PLXNB1: variants seen among roughly 807,000 people sequenced by gnomAD.
The protein encoded by PLXNB1 is plexin B1.
A neutral mutation model predicts 209.4 loss-of-function variants in PLXNB1; 106 were observed. The observed-to-expected ratio is 0.51, with a 90% CI of 0.43 to 0.59. The LOEUF (loss-of-function observed/expected upper bound fraction) is 0.59. Ranked by LOEUF, PLXNB1 falls within the 20% of genes least tolerant of loss-of-function variation. The pLI, the probability that PLXNB1 is intolerant of heterozygous loss-of-function variation, is 0.00. For synonymous variants in PLXNB1, 1,167 were observed against 1,183.2 expected, an observed-to-expected ratio of 0.99 and a Z score of 0.28; for missense variants, 2,357 against 2,853.2, an observed-to-expected ratio of 0.83 and a Z score of 3.96.
rs1254654435 is a variant in PLXNB1, at chr3:48,418,261, C to G, written c.3152G>C (p.Cys1051Ser). The G allele has an allele frequency of 6.2e-7, 1 of 1,613,580 alleles. No individual in the cohort carries two copies. Among genetic ancestry groups the G allele is most frequent in the South Asian group, 1.1e-5 (1 of 91,080 alleles). ...CVWCEGERPR[C>S]VTREACGEAE... is the part of the protein sequence containing the mutation. The stretch of plus-strand genomic sequence containing the variant: ...CTCACCACAGGCCTCCCGGGTCACA[C>G]AACGTGGACGCTCCCCCTCACACCA... Residue 1051 changes from cysteine (C) to serine (S), a missense_variant, in exon 15 of 38, where the codon TGT becomes TCT. By Grantham distance (112) the Cys-to-Ser change is moderately radical (BLOSUM62 -1). Transcript: ENST00000296440. The surrounding 1 kb of genome is among the most constrained non-coding windows in gnomAD (Gnocchi z 6.6).
rs556431152 is a variant in PLXNB1, at chr3:48,417,133, C to A, written c.3375-682G>T. Among the ~76,000 whole-genome samples the A allele has an allele frequency of 6.6e-6, 1 of 152,142 alleles. No individual in the cohort carries two copies. The highest frequency in any genetic ancestry group is 2.4e-5 in the African/African-American group (1 of 41,398). On this transcript the variant is annotated intron_variant, in intron 16 of 37. Coordinates refer to ENST00000296440, the MANE Select transcript of PLXNB1 (RefSeq NM_001130082.3). This position sits in a 1 kb window ranked among gnomAD's most constrained non-coding sequence, Gnocchi z 4.4. ...CACAGCAGTCTTATGGTCTGGAACA[C>A]TAACAGTCTAGATAGTCACCGTAAG... is the stretch of plus-strand genomic sequence containing the variant.
In PLXNB1 at chr3:48,417,397, AC is replaced by A. The variant is rs1430314704; in HGVS notation, c.3374+513del. 6.6e-6 allele frequency among the ~76,000 whole-genome samples: 1 copy of A among 152,196 alleles called. No individual in the cohort carries two copies. On this transcript the variant is annotated intron_variant, in intron 16 of 37. Transcript: ENST00000296440. This position sits in a 1 kb window ranked among gnomAD's most constrained non-coding sequence, Gnocchi z 4.4. ...GGGGCCTGCAACCGCTGGCCAGGTT[AC>A]CATAACCCAGGAGCCCCAGGAAGGC...
Position 48,410,825 on chromosome 3 carries a change from C to A in PLXNB1, c.5416+43G>T. 1 of 1,571,846 alleles carries A rather than the reference C, an allele frequency of 6.4e-7. No individual in the cohort carries two copies. ...AGAGTTGGTCCGGGGCCAGCCCAGG[C>A]CCAACAGTGGCTCAGGTCCCCAGGG... On this transcript the variant is annotated intron_variant, in intron 29 of 37. Coordinates refer to ENST00000296440, the MANE Select transcript of PLXNB1 (RefSeq NM_001130082.3). This position sits in a 1 kb window ranked among gnomAD's most constrained non-coding sequence, Gnocchi z 6.4.
Position 48,415,756 on chromosome 3 carries a change from C to A in PLXNB1, c.3621G>T (p.Leu1207=). The change falls in exon 19 of 38, where the codon CTG becomes CTT. Residue 1207 remains leucine, a synonymous_variant. Coordinates refer to ENST00000296440, the MANE Select transcript of PLXNB1 (RefSeq NM_001130082.3). The surrounding 1 kb of genome is among the most constrained non-coding windows in gnomAD (Gnocchi z 5.0). ...GCAGTTGTTCTGACTGCTGCTCCGG[C>A]AGCCTGGGAGGGGAGGTGGGAATGA... ...VVVGDQPCHL[L]PEQQSEQLRC... is the part of the protein sequence containing the mutation. The A allele has an allele frequency of 6.5e-7, 1 of 1,541,634 alleles. No individual in the cohort carries two copies. Among genetic ancestry groups the A allele is most frequent in the South Asian group, 1.2e-5 (1 of 83,712 alleles).
Position 48,409,388 on chromosome 3 carries a change from G to A in PLXNB1, c.6028C>T (p.Leu2010Phe). 17 of 1,614,218 alleles carry A rather than the reference G, an allele frequency of 1.1e-5. No individual in the cohort carries two copies. The highest frequency in any genetic ancestry group is 1.4e-5 in the Non-Finnish European group (17 of 1,180,046). Residue 2010 changes from leucine (L) to phenylalanine (F), a missense_variant, in exon 34 of 38, where the codon CTT (leucine) becomes TTT (phenylalanine). Coordinates refer to ENST00000296440, the MANE Select transcript of PLXNB1 (RefSeq NM_001130082.3). This position sits in a 1 kb window ranked among gnomAD's most constrained non-coding sequence, Gnocchi z 5.8. ...QTSDNMDAVL[L>F]VIAQTFMDAC... Reference sequence around the variant, plus strand: ...TCCATGAAGGTCTGTGCAATGACAAGGAGCACCGCATCCATGTTATCAGAT... The same window carrying A: ...TCCATGAAGGTCTGTGCAATGACAAAGAGCACCGCATCCATGTTATCAGAT...
At position 48,413,185 on chromosome 3, in the gene PLXNB1, G is replaced by C. The variant is rs1199899920; in HGVS notation, c.4536-16C>G. The C allele has an allele frequency of 1.3e-6, 2 of 1,595,444 alleles. No homozygotes were observed. Among genetic ancestry groups the C allele is most frequent in the Non-Finnish European group, 1.7e-6 (2 of 1,168,254 alleles). ...GCTCTTCCTCCTGCTCAGCCCCAGG[G>C]TCAGGAGAGGATGGCCAGATGAGTC... On this transcript the variant is annotated splice_polypyrimidine_tract_variant and intron_variant, in intron 23 of 37. Transcript: ENST00000296440. This position sits in a 1 kb window ranked among gnomAD's most constrained non-coding sequence, Gnocchi z 5.4.
At position 48,419,596 on chromosome 3, in the gene PLXNB1, G is replaced by T; in HGVS notation, c.2690C>A (p.Thr897Asn). The change falls in exon 11 of 38, where the codon ACC becomes AAC. Residue 897 changes from threonine (T) to asparagine (N), a missense_variant. Around this residue, in one of 7 missense-constraint regions of PLXNB1, gnomAD observed 410 missense variants for 401.0 expected, o/e 1.02. Transcript: ENST00000296440. The surrounding 1 kb of genome is among the most constrained non-coding windows in gnomAD (Gnocchi z 5.7). ...LPSSLDYQYD[T>N]PGLWELEEAT... is the part of the protein sequence containing the mutation. Reference sequence around the variant, plus strand: ...CCTCACCAGCTCCCAGAGCCCGGGGGTGTCATACTGGTAGTCGAGGCTGGA... The same window carrying T: ...CCTCACCAGCTCCCAGAGCCCGGGGTTGTCATACTGGTAGTCGAGGCTGGA... The T allele has an allele frequency of 6.2e-7, 1 of 1,610,060 alleles. No homozygotes were observed. Among genetic ancestry groups the T allele is most frequent in the Non-Finnish European group, 8.5e-7 (1 of 1,177,932 alleles).
chr3:48,428,093 A>G (rs2038989038), intron 1 of PLXNB1, among the ~76,000 whole-genome samples: 1 of 152,170 alleles, frequency 6.6e-6, no homozygotes, highest in African/African-American at 2.4e-5. Flanking sequence ...CACAGACTTC[A>G]GCACAGACCA....
rs986339831 is a variant in PLXNB1 at position 48,409,800 on chromosome 3, C to G, written c.5779-69G>C. 3.2e-6 allele frequency: 5 copies of G among 1,571,650 alleles called. No individual in the cohort carries two copies. The highest frequency in any genetic ancestry group is 1.3e-5 in the African/African-American group (1 of 74,126). On this transcript the variant is annotated intron_variant, in intron 32 of 37. Transcript: ENST00000296440. This position sits in a 1 kb window ranked among gnomAD's most constrained non-coding sequence, Gnocchi z 5.8. ...CTCAGCAGCAGCCCAGCCTCAGACACCCCCCGGCACTGTGCCTGCACGAGC... is the reference window on the plus strand; with the variant it reads ...CTCAGCAGCAGCCCAGCCTCAGACAGCCCCCGGCACTGTGCCTGCACGAGC...
At position 48,415,476 on chromosome 3, in the gene PLXNB1, G is replaced by C; in HGVS notation, c.3794+107C>G. ...ACACGACCCCTTGCCCCTACTAGCA[G>C]CATGGGATTCTCAGTGCCTCAACAT... On this transcript the variant is annotated intron_variant, in intron 19 of 37. Coordinates refer to ENST00000296440, the MANE Select transcript of PLXNB1 (RefSeq NM_001130082.3). This position sits in a 1 kb window ranked among gnomAD's most constrained non-coding sequence, Gnocchi z 5.0. 5 of 1,412,600 alleles carry C rather than the reference G, an allele frequency of 3.5e-6. No individual in the cohort carries two copies. The highest frequency in any genetic ancestry group is 3.9e-6 in the Non-Finnish European group (4 of 1,037,346). 87.5% of individuals were successfully genotyped at this position (1,412,600 alleles called of 1,614,324 possible). A position where few individuals can be genotyped will look rare whatever the true frequency, so the allele number is the denominator to read the frequency against.
intron 21 of PLXNB1, 87 bp downstream of exon 21, chr3:48,414,712 T>C (rs1261223540): frequency 1.3e-6 from 2 of 1,501,626 alleles, no homozygotes; most frequent in Non-Finnish European, 1.8e-6. Context: ...CTTGCTCTAC[T>C]GTCTCGGCCT....
chr3:48,406,705 C>G lies in PLXNB1; in HGVS notation c.6228+118G>C. The stretch of plus-strand genomic sequence containing the variant: ...CTGCATTTATGTTTCCTGCCCCAAC[C>G]AGCTCACAGGGCTGCTGAGGTTCCC... On this transcript the variant is annotated intron_variant, in intron 36 of 37. Transcript: ENST00000296440. The surrounding 1 kb of genome is among the most constrained non-coding windows in gnomAD (Gnocchi z 4.4). The G allele has an allele frequency of 9.0e-6, 13 of 1,452,338 alleles. No individual in the cohort carries two copies. Among genetic ancestry groups the G allele is most frequent in the Non-Finnish European group, 1.2e-5 (13 of 1,100,466 alleles). The allele number at this position is 1,452,338 out of a possible 1,614,324, so 90.0% of individuals were successfully genotyped here.
At chr3:48,428,079 C>A (rs1334183632) in intron 1 of PLXNB1, among the ~76,000 whole-genome samples, 3 of 152,168 alleles carry the variant, frequency 2.0e-5, no homozygotes, top group Non-Finnish European at 4.4e-5. Flanking sequence ...GCCCCAGCAA[C>A]TTACACAGAC....
Position 48,417,817 on chromosome 3 carries a change from G to T in PLXNB1, c.3374+94C>A. ...GGATCAAGGAACAGGGAGAGAGGGGGGCAGATGAGCGGTGGGTGGGAGGCC... is the reference window on the plus strand; with the variant it reads ...GGATCAAGGAACAGGGAGAGAGGGGTGCAGATGAGCGGTGGGTGGGAGGCC... On this transcript the variant is annotated intron_variant, in intron 16 of 37. Transcript: ENST00000296440. The surrounding 1 kb of genome is among the most constrained non-coding windows in gnomAD (Gnocchi z 4.4). 1.5e-6 allele frequency: 2 copies of T among 1,312,228 alleles called. No homozygotes were observed. Among genetic ancestry groups the T allele is most frequent in the Non-Finnish European group, 1.1e-6 (1 of 941,016 alleles). 81.3% of individuals were successfully genotyped at this position (1,312,228 alleles called of 1,614,324 possible). A position where few individuals can be genotyped will look rare whatever the true frequency, so the allele number is the denominator to read the frequency against.
rs2037489310 is a variant in PLXNB1 at position 48,409,168 on chromosome 3, C to T, written c.6087+161G>A. Among the ~76,000 whole-genome samples the T allele has an allele frequency of 6.6e-6, 1 of 152,210 alleles. No individual in the cohort carries two copies. The highest frequency in any genetic ancestry group is 6.5e-5 in the Admixed American group (1 of 15,284). On this transcript the variant is annotated intron_variant, in intron 34 of 37. Coordinates refer to ENST00000296440, the MANE Select transcript of PLXNB1 (RefSeq NM_001130082.3). This position sits in a 1 kb window ranked among gnomAD's most constrained non-coding sequence, Gnocchi z 5.8. ...CACAGTGTCCCCTCCTCTTGCTCAT[C>T]CCTTAAAACTGAGGTGGCCCCGGGA...
Position 48,409,036 on chromosome 3 carries a change from G to A in PLXNB1, c.6087+293C>T, listed in dbSNP as rs962094405. On this transcript the variant is annotated intron_variant, in intron 34 of 37. Transcript: ENST00000296440. The surrounding 1 kb of genome is among the most constrained non-coding windows in gnomAD (Gnocchi z 5.8). ...CTGTGGCTCCCACTGCCCCAGGAGTGAGTCCTGACCAACTGGCCCTGGCCT... is the reference window on the plus strand; with the variant it reads ...CTGTGGCTCCCACTGCCCCAGGAGTAAGTCCTGACCAACTGGCCCTGGCCT... 6.6e-6 allele frequency among the ~76,000 whole-genome samples: 1 copy of A among 152,240 alleles called. No individual in the cohort carries two copies. Among genetic ancestry groups the A allele is most frequent in the East Asian group, 1.9e-4 (1 of 5,194 alleles).
intron 3 of PLXNB1, 30 bp from the exon 4 acceptor site, chr3:48,422,977 C>T (rs1156476540): frequency 7.5e-6 from 12 of 1,597,592 alleles, no homozygotes; most frequent in Non-Finnish European, 9.4e-6. Flanking sequence ...TCAGGAAGGC[C>T]CTCCCTGGAT....
chr3:48,409,185 G>A lies in PLXNB1; in HGVS notation c.6087+144C>T, dbSNP rs1053424131. 2.8e-5 allele frequency: 25 copies of A among 880,332 alleles called. No homozygotes were observed. The highest frequency in any genetic ancestry group is 4.0e-5 in the Non-Finnish European group (23 of 579,900). The allele number at this position is 880,332 out of a possible 1,614,324, so 54.5% of individuals were successfully genotyped here. The stretch of plus-strand genomic sequence containing the variant: ...TTGCTCATCCCTTAAAACTGAGGTG[G>A]CCCCGGGATGAAGCCTTGGCTTGGG... On this transcript the variant is annotated intron_variant, in intron 34 of 37. Coordinates refer to ENST00000296440, the MANE Select transcript of PLXNB1 (RefSeq NM_001130082.3). This position sits in a 1 kb window ranked among gnomAD's most constrained non-coding sequence, Gnocchi z 5.8.
chr3:48,404,669 A>C, intron 37 of PLXNB1, 79 bp from the exon 38 acceptor site: 1 of 920,982 alleles, frequency 1.1e-6, no homozygotes, highest in African/African-American at 1.7e-5. Context: ...CCCTCCTAAG[A>C]CGCTGTGGCA....
Sources: allele counts gnomAD v4.1 joint callset (sites outside exome capture counted in the v4.1 genomes callset), GRCh38; gene constraint gnomAD v4.1.1; regional missense constraint gnomAD v4.1.1; non-coding constraint Gnocchi (gnomAD v3.1); transcripts MANE v1.5; gene names NCBI Gene and HGNC (gene_info 2026-07-23, HGNC 2026-07-21).